Variants in LTBP4 observed in about 807,000 individuals in gnomAD.
LTBP4 encodes the protein latent transforming growth factor beta binding protein 4, also known as latent-transforming growth factor beta-binding protein 4.
Under a neutral mutation model 180.2 loss-of-function variants are expected in LTBP4, and 93 were observed. That is an observed-to-expected ratio of 0.52 (90% CI 0.44 to 0.61). LTBP4 has a LOEUF of 0.61. LTBP4 is among the 20% of genes least tolerant of loss of function. The pLI, the probability that LTBP4 is intolerant of heterozygous loss-of-function variation, is 0.00. For missense variants in LTBP4, 2,116 were observed against 2,256.5 expected, an observed-to-expected ratio of 0.94 and a Z score of 1.26; for synonymous variants, 947 against 934.5, an observed-to-expected ratio of 1.01 and a Z score of -0.24.
upstream of LTBP4, chr19:40,597,251 C>A: frequency 1.3e-6 from 2 of 1,507,636 alleles, no homozygotes; most frequent in South Asian, 2.5e-5. Context: ...AGGCCTGGCA[C>A]CAGCGGCCGC....
Position 40,611,414 on chromosome 19 carries a change from C to A in LTBP4, c.2053+20C>A. On this transcript the variant is annotated intron_variant, in intron 13 of 29. Transcript: ENST00000396819. This position sits in a 1 kb window ranked among gnomAD's most constrained non-coding sequence, Gnocchi z 4.4. ...GCCAAGGTGAGGGTGCTGAGCCCAGCCCTACTCCATCACTGTTTGCTGTGG... is the reference window on the plus strand; with the variant it reads ...GCCAAGGTGAGGGTGCTGAGCCCAGACCTACTCCATCACTGTTTGCTGTGG... 1 of 1,593,146 alleles carries A rather than the reference C, an allele frequency of 6.3e-7. No individual in the cohort carries two copies. Among genetic ancestry groups the A allele is most frequent in the Non-Finnish European group, 8.5e-7 (1 of 1,172,998 alleles).
At chr19:40,602,145 TTG>T (rs751242257) in intron 1 of LTBP4, among the ~76,000 whole-genome samples, 14,837 of 81,518 alleles carry the variant, frequency 0.18, 1,322 homozygotes, top group Middle Eastern at 0.25. Context: ...GAGACGGGGG[TTG>T]TGTGTGTGTG....
At chr19:40,623,816 C>T in intron 25 of LTBP4, 84 bp downstream of exon 25, 7 of 1,598,456 alleles carry the variant, frequency 4.4e-6, no homozygotes, top group African/African-American at 1.3e-5. Flanking sequence ...TGGCCACCAC[C>T]AGCGGGAAGT....
intron 26 of LTBP4, among the ~76,000 whole-genome samples, chr19:40,625,468 C>G (rs1217895702): frequency 3.3e-5 from 5 of 151,012 alleles, no homozygotes; most frequent in Admixed American, 2.6e-4. Context: ...CTCTTTTTGC[C>G]CACTGTCCCA....
upstream of LTBP4, chr19:40,599,325 C>A: frequency 1.2e-6 from 2 of 1,608,118 alleles, no homozygotes; most frequent in Non-Finnish European, 1.7e-6. Flanking sequence ...GGGAGCTCCC[C>A]ATCCCTCCCC....
intron 1 of LTBP4, among the ~76,000 whole-genome samples, chr19:40,604,431 G>T (rs890090419): frequency 6.6e-6 from 1 of 152,134 alleles, no homozygotes. Flanking sequence ...GGTCGGAGGG[G>T]CTGGAACAGC....
In LTBP4 at chr19:40,605,059, A is replaced by G. The variant is rs772459148; in HGVS notation, c.275A>G (p.Asn92Ser). The G allele has an allele frequency of 2.0e-5, 32 of 1,613,452 alleles. No individual in the cohort carries two copies. The highest frequency in any genetic ancestry group is 9.3e-5 in the African/African-American group (7 of 74,884). Residue 92 changes from asparagine to serine, a missense_variant, in exon 2 of 30, where the codon AAT (asparagine) becomes AGT (serine). Coordinates refer to ENST00000396819, the MANE Select transcript of LTBP4 (RefSeq NM_001042545.2). This position sits in a 1 kb window ranked among gnomAD's most constrained non-coding sequence, Gnocchi z 5.5. ...RAFLCPLICH[N>S]GGVCVKPDRC... ...GTCCTGTGTCCCTTGATCTGTCACAATGGCGGTGTGTGCGTGAAGCCTGAC... is the reference window on the plus strand; with the variant it reads ...GTCCTGTGTCCCTTGATCTGTCACAGTGGCGGTGTGTGCGTGAAGCCTGAC...
rs758659344 is a variant in LTBP4 at position 40,606,384 on chromosome 19, G to A, written c.869-20G>A. 6.2e-7 allele frequency: 1 copy of A among 1,607,190 alleles called. No individual in the cohort carries two copies. Among genetic ancestry groups the A allele is most frequent in the Admixed American group, 1.7e-5 (1 of 59,444 alleles). ...GGGATCAAGTTCCTGACTCCACGGT[G>A]ACCTCCCCAACCCTGGCAGATGTGG... is the stretch of plus-strand genomic sequence containing the variant. On this transcript the variant is annotated intron_variant, in intron 5 of 29. Transcript: ENST00000396819.
At chr19:40,608,726 C>A in intron 9 of LTBP4, 123 bp downstream of exon 9, 1 of 1,097,250 alleles carries the variant, frequency 9.1e-7, no homozygotes, top group East Asian at 2.6e-5. Flanking sequence ...GCCTGGCCAA[C>A]ATGGCGAAAC....
intron 1 of LTBP4, among the ~76,000 whole-genome samples, chr19:40,602,586 CCT>C (rs369232782): frequency 3.9e-5 from 6 of 152,290 alleles, no homozygotes; most frequent in African/African-American, 1.2e-4. Context: ...CCCCTTCCTC[CCT>C]CTTTCTTTCA....
intron 1 of LTBP4, 126 bp downstream of exon 1, chr19:40,601,763 AG>A: frequency 1.3e-6 from 1 of 784,000 alleles, no homozygotes; most frequent in Non-Finnish European, 1.8e-6. Flanking sequence ...AGGGAATATC[AG>A]GGGCTATTTG....
At chr19:40,607,151 A>T (rs1385227110) in intron 6 of LTBP4, among the ~76,000 whole-genome samples, 1 of 151,994 alleles carries the variant, frequency 6.6e-6, no homozygotes, top group Non-Finnish European at 1.5e-5. Context: ...AGAGTCTCTC[A>T]TTCACCACTG....
At chr19:40,606,694 C>A (rs1217166984) in intron 6 of LTBP4, among the ~76,000 whole-genome samples, 168 bp downstream of exon 6, 1 of 152,182 alleles carries the variant, frequency 6.6e-6, no homozygotes, top group Non-Finnish European at 1.5e-5. Context: ...GCTTCAGCAT[C>A]CCTGGACCAC....
intron 4 of LTBP4, 62 bp from the exon 5 acceptor site, chr19:40,606,171 C>G: frequency 7.0e-7 from 1 of 1,422,658 alleles, no homozygotes; most frequent in Non-Finnish European, 9.7e-7. Context: ...GTCTTCGTCT[C>G]TGCCCACTCC....
chr19:40,596,010 T>C (rs1453695788), intron 1 of LTBP4, among the ~76,000 whole-genome samples: 1 of 135,604 alleles, frequency 7.4e-6, no homozygotes, highest in Non-Finnish European at 1.5e-5. Context: ...AACCTCCACC[T>C]CCTGGGTTCA....
In LTBP4 at chr19:40,611,927, T is replaced by C; in HGVS notation, c.2122T>C (p.Phe708Leu). The change falls in exon 14 of 30, where the codon TTC (phenylalanine) becomes CTC (leucine). Residue 708 changes from phenylalanine (F) to leucine (L), a missense_variant. Physicochemically the swap from Phe to Leu is conservative, Grantham distance 22. Coordinates refer to ENST00000396819, the MANE Select transcript of LTBP4 (RefSeq NM_001042545.2). This position sits in a 1 kb window ranked among gnomAD's most constrained non-coding sequence, Gnocchi z 4.4. ...YGRCENTEGSFQCVCPMGFQP... is the reference protein window; with the variant it reads ...YGRCENTEGSLQCVCPMGFQP... ...CCGGTGTGAGAACACAGAAGGCAGC[T>C]TCCAGTGTGTCTGCCCCATGGGCTT... 3.1e-6 allele frequency: 5 copies of C among 1,610,460 alleles called. No homozygotes were observed. The highest frequency in any genetic ancestry group is 4.2e-6 in the Non-Finnish European group (5 of 1,178,424).
At position 40,605,948 on chromosome 19, in the gene LTBP4, T is replaced by C. The variant is rs900370664; in HGVS notation, c.793+117T>C. 12 of 1,166,792 alleles carry C rather than the reference T, an allele frequency of 1.0e-5. No individual in the cohort carries two copies. In the South Asian group the frequency reaches 1.4e-4, roughly 13 times the overall value. 72.3% of individuals were successfully genotyped at this position (1,166,792 alleles called of 1,614,324 possible). A position where few individuals can be genotyped will look rare whatever the true frequency, so the allele number is the denominator to read the frequency against. On this transcript the variant is annotated intron_variant, in intron 4 of 29. Transcript: ENST00000396819. This position sits in a 1 kb window ranked among gnomAD's most constrained non-coding sequence, Gnocchi z 5.5. ...ACAAATTGTAGCCACGCCTACCCCA[T>C]TGTGGAGGCGACTTCCAGTCCTGAG...
chr19:40,596,408 G>T (rs1191812574), upstream of LTBP4, among the ~76,000 whole-genome samples: 1 of 152,126 alleles, frequency 6.6e-6, no homozygotes, highest in Admixed American at 6.5e-5. Flanking sequence ...GGTGGTGGGA[G>T]GCTGCTCTTG....
In LTBP4 at chr19:40,611,880, G is replaced by A; in HGVS notation, c.2075G>A (p.Ser692Asn). The A allele has an allele frequency of 6.2e-7, 1 of 1,607,990 alleles. No individual in the cohort carries two copies. Among genetic ancestry groups the A allele is most frequent in the Non-Finnish European group, 8.5e-7 (1 of 1,177,468 alleles). ...CCAGATGTGGATGAGTGTGCCCGAA[G>A]CCCCCCACCCTGCACCTACGGCCGG... The part of the protein sequence containing the change: ...PCQDVDECAR[S>N]PPPCTYGRCE... Residue 692 changes from serine (S) to asparagine (N), a missense_variant, in exon 14 of 30, where the codon AGC (serine) becomes AAC (asparagine). By Grantham distance (46) the Ser-to-Asn change is conservative. Coordinates refer to ENST00000396819, the MANE Select transcript of LTBP4 (RefSeq NM_001042545.2). The surrounding 1 kb of genome is among the most constrained non-coding windows in gnomAD (Gnocchi z 4.4).
Sources: allele counts gnomAD v4.1 joint callset (sites outside exome capture counted in the v4.1 genomes callset), GRCh38; gene constraint gnomAD v4.1.1; non-coding constraint Gnocchi (gnomAD v3.1); transcripts MANE v1.5; gene names NCBI Gene and HGNC (gene_info 2026-07-23, HGNC 2026-07-21).